Variants in SHISA9 observed in about 807,000 individuals in gnomAD.
The protein encoded by SHISA9 is protein shisa-9.
SHISA9 carries 13 observed loss-of-function variants against 38.0 expected under a neutral mutation model. The ratio of observed to expected loss-of-function variants is 0.34; its 90% confidence interval spans 0.22 to 0.54. SHISA9 has a LOEUF of 0.54. SHISA9 is among the 20% of genes least tolerant of loss of function. SHISA9 has a pLI of 0.91. For synonymous variants in SHISA9, 275 were observed against 242.0 expected (o/e 1.14, Z -1.27); for missense variants, 538 against 575.8 (o/e 0.93, Z 0.67).
chr16:13,415,483 G>T, the SHISA9 span, among the ~76,000 whole-genome samples: 1 of 152,022 alleles, frequency 6.6e-6, no homozygotes, highest in Non-Finnish European at 1.5e-5. Context: ...TAAGTAATAG[G>T]GGTATTAGAC....
At chr16:13,138,337 T>C (rs1048827477) in intron 2 of SHISA9, among the ~76,000 whole-genome samples, 7 of 152,234 alleles carry the variant, frequency 4.6e-5, no homozygotes, top group Non-Finnish European at 1.0e-4. Context: ...TTGACCTTCC[T>C]TTCCTAGAAT....
At chr16:13,430,759 T>A in the SHISA9 span, among the ~76,000 whole-genome samples, 6 of 145,748 alleles carry the variant, frequency 4.1e-5, no homozygotes, top group East Asian at 8.9e-4. Flanking sequence ...AAAAAAAAAA[T>A]TTTGTTTTGA....
At chr16:13,436,197 G>C in the SHISA9 span, among the ~76,000 whole-genome samples, 1 of 152,312 alleles carries the variant, frequency 6.6e-6, no homozygotes, top group Non-Finnish European at 1.5e-5. Context: ...GATGAGACAA[G>C]AGGTCAAAAG....
At chr16:13,290,665 C>T in the SHISA9 span, among the ~76,000 whole-genome samples, 9 of 152,054 alleles carry the variant, frequency 5.9e-5, no homozygotes, top group Admixed American at 3.3e-4. Context: ...GAAACACAAC[C>T]CCCTGCCTCC....
chr16:13,192,671 C>T (rs1029309537), intron 2 of SHISA9, among the ~76,000 whole-genome samples: 2 of 152,038 alleles, frequency 1.3e-5, no homozygotes, highest in South Asian at 2.1e-4. Flanking sequence ...GTCAGGAGAT[C>T]GAGACCATCC....
chr16:13,164,855 G>A (rs180903888), intron 2 of SHISA9, among the ~76,000 whole-genome samples: 16 of 152,250 alleles, frequency 1.1e-4, no homozygotes, highest in Non-Finnish European at 2.1e-4. Flanking sequence ...TGGATGACAT[G>A]AACCTTTTTA....
At chr16:13,487,556 C>T in the SHISA9 span, among the ~76,000 whole-genome samples, 331 of 152,334 alleles carry the variant, frequency 2.2e-3, no homozygotes, top group African/African-American at 6.3e-3. Context: ...CCTTTCATGA[C>T]GGATCTGCCC....
At chr16:13,177,611 T>C (rs555039846) in intron 2 of SHISA9, among the ~76,000 whole-genome samples, 5 of 152,174 alleles carry the variant, frequency 3.3e-5, no homozygotes, top group African/African-American at 1.2e-4. Flanking sequence ...CTGTCTTGCT[T>C]ACTAGATTAC....
chr16:13,366,804 G>T, the SHISA9 span, among the ~76,000 whole-genome samples: 1 of 152,098 alleles, frequency 6.6e-6, no homozygotes, highest in South Asian at 2.1e-4. Flanking sequence ...CCAACATGGT[G>T]AAACCCCATC....
chr16:12,917,267 T>G (rs2071270614), intron 2 of SHISA9, among the ~76,000 whole-genome samples: 1 of 152,236 alleles, frequency 6.6e-6, no homozygotes, highest in African/African-American at 2.4e-5. Context: ...TGTTTTCAAT[T>G]ATGAAATACT....
At chr16:13,127,199 AAG>A (rs1432561743) in intron 2 of SHISA9, among the ~76,000 whole-genome samples, 1 of 116,110 alleles carries the variant, frequency 8.6e-6, no homozygotes, top group East Asian at 3.1e-4. Context: ...GAGAGAAAGA[AAG>A]AGGGAGAGAG....
the SHISA9 span, among the ~76,000 whole-genome samples, chr16:13,488,012 T>C: frequency 6.6e-6 from 1 of 152,208 alleles, no homozygotes; most frequent in Non-Finnish European, 1.5e-5. Context: ...ACAAGGTCAA[T>C]ACTTGAACTT....
the SHISA9 span, among the ~76,000 whole-genome samples, chr16:13,470,298 C>T: frequency 4.6e-4 from 70 of 152,186 alleles, no homozygotes; most frequent in South Asian, 5.0e-3. Flanking sequence ...ACTCTAATTT[C>T]GGTATTCTTC....
rs114680327 is a variant in SHISA9, at chr16:13,138,245, C to G, written c.692-65149C>G. Reference sequence around the variant, plus strand: ...AATCTGAGGCCTCATCCCAGAGCAACTGAATCAGAAGCTGCATTTTAATAA... The same window carrying G: ...AATCTGAGGCCTCATCCCAGAGCAAGTGAATCAGAAGCTGCATTTTAATAA... On this transcript the variant is annotated intron_variant, in intron 2 of 4. Transcript: ENST00000558583. Among the ~76,000 whole-genome samples the G allele has an allele frequency of 5.1e-3, 774 of 152,278 alleles. 7 individuals carry two copies. Among genetic ancestry groups the G allele is most frequent in the African/African-American group, 0.017 (724 of 41,544 alleles).
chr16:12,989,688 C>T lies in SHISA9; in HGVS notation c.691+72873C>T, dbSNP rs148749560. On this transcript the variant is annotated intron_variant, in intron 2 of 4. Coordinates refer to ENST00000558583, the MANE Select transcript of SHISA9 (RefSeq NM_001145204.3). The stretch of plus-strand genomic sequence containing the variant: ...ACCATTTTTATTATGATTAGGTTTC[C>T]GTGTCATTAATTACTCATTAAAAGT... Among the ~76,000 whole-genome samples, 954 of 151,976 alleles carry T rather than the reference C, an allele frequency of 6.3e-3. 11 individuals carry two copies. The highest frequency in any genetic ancestry group is 0.022 in the African/African-American group (893 of 41,446).
chr16:13,309,739 C>CA, the SHISA9 span, among the ~76,000 whole-genome samples: 1 of 151,632 alleles, frequency 6.6e-6, no homozygotes, highest in African/African-American at 2.4e-5. Context: ...GTGCTGTTCT[C>CA]AGTGCTTAGA....
chr16:13,143,456 A>G (rs1049323692), intron 2 of SHISA9, among the ~76,000 whole-genome samples: 1 of 152,168 alleles, frequency 6.6e-6, no homozygotes, highest in African/African-American at 2.4e-5. Flanking sequence ...AGGTGATTTG[A>G]ATTTCACATG....
At chr16:13,525,420 A>G in the SHISA9 span, among the ~76,000 whole-genome samples, 1 of 152,216 alleles carries the variant, frequency 6.6e-6, no homozygotes, top group Non-Finnish European at 1.5e-5. Flanking sequence ...GCCCATAACA[A>G]AAAACTGGAT....
At chr16:13,531,123 T>C in the SHISA9 span, among the ~76,000 whole-genome samples, 1 of 152,220 alleles carries the variant, frequency 6.6e-6, no homozygotes, top group African/African-American at 2.4e-5. Flanking sequence ...GTGAGTTTCC[T>C]GTTGAAGGCA....
Sources: gnomAD v4.1 joint callset for allele counts (sites outside exome capture counted in the v4.1 genomes callset) on GRCh38, gnomAD v4.1.1 for gene constraint, MANE v1.5 for transcripts, NCBI Gene and HGNC (gene_info 2026-07-23, HGNC 2026-07-21) for gene names.